GMDS: variants seen among roughly 807,000 people sequenced by gnomAD.
GMDS encodes the protein GDP-mannose 4,6 dehydratase.
A neutral mutation model predicts 49.9 loss-of-function variants in GMDS; 20 were observed. That is an observed-to-expected ratio of 0.40 (90% CI 0.28 to 0.58). The LOEUF is 0.58. Among genes scored for constraint, GMDS ranks in the 20% least tolerant of loss-of-function variants. The probability of loss-of-function intolerance (pLI) is 0.42; values close to 1 mark genes in which losing one functional copy is unlikely to be tolerated. For missense variants in GMDS, 362 were observed against 481.4 expected, an observed-to-expected ratio of 0.75 and a Z score of 2.32; for synonymous variants, 177 against 178.6, an observed-to-expected ratio of 0.99 and a Z score of 0.07.
chr6:1,934,944 C>T (rs1349285984), intron 6 of GMDS, among the ~76,000 whole-genome samples: 1 of 152,212 alleles, frequency 6.6e-6, no homozygotes, highest in East Asian at 1.9e-4. Context: ...GCCTGTCTCA[C>T]TGGCTTTCTA....
chr6:1,740,102 ATGT>A (rs1381135849), intron 8 of GMDS, among the ~76,000 whole-genome samples: 1 of 152,172 alleles, frequency 6.6e-6, no homozygotes, highest in Non-Finnish European at 1.5e-5. Flanking sequence ...AAAGAATAAG[ATGT>A]TATGCTTACA....
chr6:2,236,237 A>G (rs150447493), intron 1 of GMDS, among the ~76,000 whole-genome samples: 131 of 152,296 alleles, frequency 8.6e-4, no homozygotes, highest in Non-Finnish European at 1.5e-3. Flanking sequence ...CGTGTTACCC[A>G]CATGGTCTTT....
chr6:2,157,448 G>C (rs1472434783), intron 1 of GMDS, among the ~76,000 whole-genome samples: 1 of 152,194 alleles, frequency 6.6e-6, no homozygotes, highest in Non-Finnish European at 1.5e-5. Context: ...AAACAAGTAA[G>C]TGGTAAGAAA....
At chr6:1,920,294 C>T (rs896131179) in intron 7 of GMDS, among the ~76,000 whole-genome samples, 1 of 152,286 alleles carries the variant, frequency 6.6e-6, no homozygotes, top group South Asian at 2.1e-4. Flanking sequence ...CAGAGCAGAG[C>T]CCCCAGGCTT....
intron 4 of GMDS, among the ~76,000 whole-genome samples, chr6:2,094,992 G>C (rs550275461): frequency 6.6e-6 from 1 of 152,162 alleles, no homozygotes; most frequent in South Asian, 2.1e-4. Context: ...TTCTCACTAA[G>C]AATCAAATGA....
rs548890016 is a variant in GMDS, at chr6:2,101,532, A to C, written c.345+14239T>G. Among the ~76,000 whole-genome samples, 5 of 152,142 alleles carry C rather than the reference A, an allele frequency of 3.3e-5. No homozygotes were observed. In the South Asian group the frequency reaches 1.0e-3, roughly 32 times the overall value. On this transcript the variant is annotated intron_variant, in intron 4 of 10. Coordinates refer to ENST00000380815, the MANE Select transcript of GMDS (RefSeq NM_001500.4). Reference sequence around the variant, plus strand: ...CCTGATAAGTGGAATCCCCAGTTAGAAACTGAGAGAAAGAGAAAAGAATCT... The same window carrying C: ...CCTGATAAGTGGAATCCCCAGTTAGCAACTGAGAGAAAGAGAAAAGAATCT...
chr6:1,665,281 A>G (rs567766638), intron 9 of GMDS, among the ~76,000 whole-genome samples: 28 of 152,326 alleles, frequency 1.8e-4, no homozygotes, highest in Admixed American at 1.6e-3. Flanking sequence ...CACAAAATAT[A>G]TAACCATGAT....
Position 1,912,234 on chromosome 6 carries a change from C to T in GMDS, c.771+17869G>A, listed in dbSNP as rs981078844. Among the ~76,000 whole-genome samples the T allele has an allele frequency of 1.1e-4, 16 of 152,120 alleles. 1 individual carries two copies. The South Asian group carries it at 1.5e-3, about 14-fold the overall frequency. On this transcript the variant is annotated intron_variant, in intron 7 of 10. Transcript: ENST00000380815. ...TACAAAAATTAGCCAGGTGCGGTGG[C>T]GGGCGCCTGTAATCCTAGCTACTTG...
chr6:2,034,397 C>G (rs141566349), intron 4 of GMDS, among the ~76,000 whole-genome samples: 594 of 152,082 alleles, frequency 3.9e-3, no homozygotes, highest in Middle Eastern at 6.8e-3. Context: ...GGGGCTGGGG[C>G]GGTAGGAGAG....
chr6:1,999,758 C>T (rs1186357359), intron 4 of GMDS, among the ~76,000 whole-genome samples: 1 of 147,872 alleles, frequency 6.8e-6, no homozygotes, highest in Admixed American at 7.0e-5. Context: ...AGGAAATCTC[C>T]TCTCCCAATT....
intron 7 of GMDS, among the ~76,000 whole-genome samples, chr6:1,817,809 C>A (rs1019909078): frequency 6.6e-6 from 1 of 152,032 alleles, no homozygotes; most frequent in Non-Finnish European, 1.5e-5. Context: ...CACCCTAGGA[C>A]GGAGGTAAAA....
chr6:1,759,016 G>A (rs1480026411), intron 7 of GMDS, among the ~76,000 whole-genome samples: 5 of 152,124 alleles, frequency 3.3e-5, no homozygotes, highest in South Asian at 2.1e-4. Flanking sequence ...TCTGCCTCCC[G>A]GGTTCAAGTG....
intron 4 of GMDS, among the ~76,000 whole-genome samples, chr6:2,058,163 T>C (rs892022357): frequency 1.1e-4 from 17 of 151,996 alleles, no homozygotes; most frequent in African/African-American, 4.1e-4. Flanking sequence ...TCCGAGACCA[T>C]TCTGGCCAAC....
At chr6:2,105,163 CAG>C (rs1440216971) in intron 4 of GMDS, among the ~76,000 whole-genome samples, 2 of 110,280 alleles carry the variant, frequency 1.8e-5, no homozygotes, top group Non-Finnish European at 3.3e-5. Context: ...GCCTGGGTGA[CAG>C]AGCGAGACTC....
At chr6:1,879,871 CCCTG>C (rs1759278915) in intron 7 of GMDS, among the ~76,000 whole-genome samples, 1 of 151,974 alleles carries the variant, frequency 6.6e-6, no homozygotes, top group Non-Finnish European at 1.5e-5. Flanking sequence ...CATTTTTGAA[CCCTG>C]ATACTGTATT....
intron 9 of GMDS, among the ~76,000 whole-genome samples, chr6:1,644,298 T>C (rs1016818485): frequency 6.6e-6 from 1 of 152,152 alleles, no homozygotes; most frequent in Non-Finnish European, 1.5e-5. Context: ...GCCTGTCAGG[T>C]GGACTGCAGA....
intron 9 of GMDS, among the ~76,000 whole-genome samples, chr6:1,676,227 A>G (rs1342298561): frequency 3.3e-5 from 5 of 152,178 alleles, no homozygotes; most frequent in African/African-American, 1.2e-4. Context: ...ACTTACAAGG[A>G]ATGTGAAGGA....
intron 4 of GMDS, among the ~76,000 whole-genome samples, chr6:2,010,789 A>C (rs1399268610): frequency 6.6e-6 from 1 of 152,202 alleles, no homozygotes. Flanking sequence ...AAATAATAAA[A>C]ATATATTGCA....
intron 1 of GMDS, among the ~76,000 whole-genome samples, chr6:2,233,938 T>C (rs1781233522): frequency 6.6e-6 from 1 of 152,228 alleles, no homozygotes; most frequent in Non-Finnish European, 1.5e-5. Context: ...CCTTCTTATA[T>C]GCAGTGTATT....
Sources: allele counts gnomAD v4.1 joint callset (sites outside exome capture counted in the v4.1 genomes callset), GRCh38; gene constraint gnomAD v4.1.1; transcripts MANE v1.5; gene names NCBI Gene and HGNC (gene_info 2026-07-23, HGNC 2026-07-21).